The following PPP6C variants were observed in gnomAD, a reference collection of about 807,000 sequenced individuals.
PPP6C encodes the protein protein phosphatase 6 catalytic subunit.
PPP6C carries 11 observed loss-of-function variants against 39.8 expected under a neutral mutation model. The ratio of observed to expected loss-of-function variants is 0.28; its 90% CI spans 0.17 to 0.46. The LOEUF (loss-of-function observed/expected upper bound fraction) is 0.46, where lower values mean the gene tolerates loss of function less well. Among genes scored for constraint, PPP6C ranks in the 20% least tolerant of loss-of-function variants. The pLI is 1.00. For missense variants in PPP6C, 211 were observed against 373.9 expected, an observed-to-expected ratio of 0.56 and a Z score of 3.59; for synonymous variants, 129 against 130.3, an observed-to-expected ratio of 0.99 and a Z score of 0.07.
chr9:125,150,931 C>G, intron 6 of PPP6C: 2 of 1,083,584 alleles, frequency 1.8e-6, no homozygotes, highest in Non-Finnish European at 2.9e-6. Context: ...TTCCCTTATG[C>G]CCAGCAGGAT....
intron 1 of PPP6C, among the ~76,000 whole-genome samples, chr9:125,184,021 G>T (rs1829471733): frequency 6.6e-6 from 1 of 152,194 alleles, no homozygotes; most frequent in South Asian, 2.1e-4. Context: ...CATTTTGGGA[G>T]GCCAAGGCAG....
In PPP6C at chr9:125,171,460, TACACACAC is replaced by T. The variant is rs138335451; in HGVS notation, c.76-288_76-281del. ...TTTTCACCAAACACACACACACATA[TACACACAC>T]ACACACACACATATATATATATATA... is the stretch of plus-strand genomic sequence containing the variant. On this transcript the variant is annotated intron_variant, in intron 1 of 6. Coordinates refer to ENST00000373547, the MANE Select transcript of PPP6C (RefSeq NM_002721.5). Among the ~76,000 whole-genome samples, 63 of 95,616 alleles carry T rather than the reference TACACACAC, an allele frequency of 6.6e-4. 1 individual carries two copies. The highest frequency in any genetic ancestry group is 5.9e-3 in the East Asian group (21 of 3,552). 62.7% of individuals were successfully genotyped at this position (95,616 alleles called of 152,430 possible). A position where few individuals can be genotyped will look rare whatever the true frequency, so the allele number is the denominator to read the frequency against.
intron 2 of PPP6C, 68 bp downstream of exon 2, chr9:125,171,017 A>G: frequency 9.7e-7 from 1 of 1,027,874 alleles, no homozygotes. Context: ...TTAATTTTGC[A>G]GCACATGTGA....
intron 2 of PPP6C, among the ~76,000 whole-genome samples, chr9:125,166,456 T>C (rs10986600): frequency 0.23 from 35,329 of 152,016 alleles, 4,657 homozygotes; most frequent in Non-Finnish European, 0.3. Flanking sequence ...TCAGTCATTC[T>C]CAAGTAAAAA....
chr9:125,153,810 C>G, intron 5 of PPP6C, 68 bp from the exon 6 acceptor site: 1 of 1,530,336 alleles, frequency 6.5e-7, no homozygotes, highest in Non-Finnish European at 9.0e-7. Context: ...TCAGTGAATA[C>G]TAAAGATATC....
chr9:125,160,409 T>A (rs1828839448), intron 3 of PPP6C, among the ~76,000 whole-genome samples: 2 of 152,220 alleles, frequency 1.3e-5, no homozygotes, highest in Non-Finnish European at 2.9e-5. Flanking sequence ...AAATCTCATC[T>A]TGAATTCCCA....
intron 6 of PPP6C, among the ~76,000 whole-genome samples, chr9:125,152,356 A>G (rs544618147): frequency 2.9e-4 from 44 of 152,304 alleles, no homozygotes; most frequent in African/African-American, 1.1e-3. Flanking sequence ...TGTAATCGCT[A>G]ACATTCACAT....
chr9:125,172,216 C>CT (rs1375827038), intron 1 of PPP6C, among the ~76,000 whole-genome samples: 3 of 151,964 alleles, frequency 2.0e-5, no homozygotes, highest in Admixed American at 6.6e-5. Context: ...ATATAACCTT[C>CT]TTTTTTTCCC....
At chr9:125,175,642 C>CAAA (rs1188824495) in intron 1 of PPP6C, among the ~76,000 whole-genome samples, 2 of 55,830 alleles carry the variant, frequency 3.6e-5, no homozygotes, top group East Asian at 3.7e-4. Context: ...GACTCCGTCT[C>CAAA]AAAAAAAAAA....
At chr9:125,164,824 C>T (rs1465899751) in intron 2 of PPP6C, among the ~76,000 whole-genome samples, 3 of 151,950 alleles carry the variant, frequency 2.0e-5, no homozygotes, top group Non-Finnish European at 2.9e-5. Context: ...CTGCAACCTC[C>T]ACCTCCCAGG....
intron 4 of PPP6C, among the ~76,000 whole-genome samples, chr9:125,155,380 T>C (rs907919002): frequency 7.9e-5 from 12 of 152,136 alleles, no homozygotes; most frequent in African/African-American, 2.2e-4. Flanking sequence ...CCCCAAGATT[T>C]TCTCAATTAT....
chr9:125,158,453 G>A, intron 3 of PPP6C, 71 bp from the exon 4 acceptor site: 1 of 1,408,510 alleles, frequency 7.1e-7, no homozygotes, highest in Non-Finnish European at 9.7e-7. Context: ...ATATCAAACT[G>A]TACAAACATA....
chr9:125,180,577 T>C (rs1423676045), intron 1 of PPP6C, among the ~76,000 whole-genome samples: 5 of 152,120 alleles, frequency 3.3e-5, no homozygotes, highest in African/African-American at 7.2e-5. Context: ...CACGCCACCA[T>C]GCCTGGTTAA....
chr9:125,184,378 C>T (rs2131344154), intron 1 of PPP6C, among the ~76,000 whole-genome samples: 1 of 151,672 alleles, frequency 6.6e-6, no homozygotes, highest in South Asian at 2.1e-4. Flanking sequence ...CAGAGTGAGA[C>T]TCCATCTCAA....
intron 1 of PPP6C, among the ~76,000 whole-genome samples, chr9:125,175,565 C>T (rs1020125843): frequency 4.0e-5 from 6 of 151,502 alleles, no homozygotes; most frequent in Non-Finnish European, 8.8e-5. Flanking sequence ...ATGGCATGAA[C>T]CCGGGAGGCG....
intron 2 of PPP6C, among the ~76,000 whole-genome samples, chr9:125,166,538 T>C (rs1431467928): frequency 1.3e-5 from 2 of 149,848 alleles, no homozygotes; most frequent in Non-Finnish European, 1.5e-5. Context: ...TCTTTTTCTT[T>C]TTTTTTTTTT....
chr9:125,189,518 G>T (rs1225994840), intron 1 of PPP6C, 126 bp downstream of exon 1: 4 of 1,492,320 alleles, frequency 2.7e-6, no homozygotes, highest in South Asian at 2.6e-5. Context: ...GGACCGGGTC[G>T]ACTGGCAATG....
intron 1 of PPP6C, 44 bp from the exon 2 acceptor site, chr9:125,171,224 A>T (rs769139020): frequency 7.1e-7 from 1 of 1,413,330 alleles, no homozygotes; most frequent in Non-Finnish European, 9.7e-7. Context: ...CTACAACATT[A>T]AAACTAAAGA....
At chr9:125,167,267 G>C (rs904075136) in intron 2 of PPP6C, among the ~76,000 whole-genome samples, 8 of 149,938 alleles carry the variant, frequency 5.3e-5, no homozygotes, top group African/African-American at 7.4e-5. Context: ...TGTAGTCCCA[G>C]CTACTCGGGA....
Sources: allele counts gnomAD v4.1 joint callset (sites outside exome capture counted in the v4.1 genomes callset), GRCh38; gene constraint gnomAD v4.1.1; transcripts MANE v1.5; gene names NCBI Gene and HGNC (gene_info 2026-07-23, HGNC 2026-07-21).